ZNF532: variants seen among roughly 807,000 people sequenced by gnomAD.
The protein encoded by ZNF532 is zinc finger protein 532.
In ZNF532, 22 loss-of-function variants were observed where a neutral mutation model predicts 89.3. The ratio of observed to expected loss-of-function variants is 0.25; its 90% CI spans 0.18 to 0.35. The LOEUF is 0.35. Among genes scored for constraint, ZNF532 ranks in the 10% least tolerant of loss-of-function variants. The probability of loss-of-function intolerance (pLI) is 1.00; values close to 1 mark genes in which losing one functional copy is unlikely to be tolerated. For synonymous variants in ZNF532, 606 were observed against 649.6 expected, an observed-to-expected ratio of 0.93 and a Z score of 1.02; for missense variants, 1,132 against 1,643.4, an observed-to-expected ratio of 0.69 and a Z score of 5.38.
chr18:58,910,764 C>T (rs1184629107), intron 2 of ZNF532, among the ~76,000 whole-genome samples: 4 of 152,128 alleles, frequency 2.6e-5, no homozygotes, highest in East Asian at 1.9e-4. Flanking sequence ...CATGAGCCGC[C>T]GCACCTGGCC....
At chr18:58,889,152 A>C (rs2058711087) in intron 2 of ZNF532, among the ~76,000 whole-genome samples, 1 of 151,452 alleles carries the variant, frequency 6.6e-6, no homozygotes, top group Non-Finnish European at 1.5e-5. Context: ...GACCTCTTAC[A>C]AATCATGTTT....
intron 6 of ZNF532, among the ~76,000 whole-genome samples, chr18:58,952,364 C>G (rs1364482757): frequency 6.6e-6 from 1 of 152,086 alleles, no homozygotes; most frequent in Non-Finnish European, 1.5e-5. Flanking sequence ...TATACAGAGG[C>G]AAAGATTTTA....
At chr18:58,905,043 T>C (rs1231907633) in intron 2 of ZNF532, among the ~76,000 whole-genome samples, 1 of 152,120 alleles carries the variant, frequency 6.6e-6, no homozygotes, top group Non-Finnish European at 1.5e-5. Context: ...GGTTTCACCA[T>C]GTTGGCCAGT....
intron 2 of ZNF532, among the ~76,000 whole-genome samples, chr18:58,884,637 CAA>C (rs558672560): frequency 2.1e-3 from 315 of 152,308 alleles, no homozygotes; most frequent in African/African-American, 7.1e-3. Flanking sequence ...ATGGTACTTA[CAA>C]AATGCCAAAG....
chr18:58,918,985 A>G lies in ZNF532; in HGVS notation c.698A>G (p.Lys233Arg). The G allele has an allele frequency of 6.2e-7, 1 of 1,613,528 alleles. No individual in the cohort carries two copies. Among genetic ancestry groups the G allele is most frequent in the Non-Finnish European group, 8.5e-7 (1 of 1,180,042 alleles). The change falls in exon 3 of 10, where the codon AAG becomes AGG. Residue 233 changes from lysine to arginine, a missense_variant. Physicochemically the swap from Lys to Arg is conservative, Grantham distance 26. This residue lies in a region of ZNF532 where 302 missense variants were observed against 319.8 expected (regional missense o/e 0.94). Transcript: ENST00000591808. ...GATAAATTGAAGGAAAGCTCTGACAAGGTGCTGGAAAACAGAGTCCTAGAT... is the reference window on the plus strand; with the variant it reads ...GATAAATTGAAGGAAAGCTCTGACAGGGTGCTGGAAAACAGAGTCCTAGAT... ...AEDKLKESSD[K>R]VLENRVLDGK...
intron 4 of ZNF532, among the ~76,000 whole-genome samples, chr18:58,938,409 T>C (rs1259286073): frequency 6.6e-6 from 1 of 152,210 alleles, no homozygotes; most frequent in Non-Finnish European, 1.5e-5. Context: ...GATTTAAAGT[T>C]TGTCTTTGTT....
intron 2 of ZNF532, among the ~76,000 whole-genome samples, chr18:58,884,617 A>G (rs1354095698): frequency 6.6e-6 from 1 of 152,206 alleles, no homozygotes; most frequent in Non-Finnish European, 1.5e-5. Context: ...TAGAGATGCT[A>G]CTAAAAAGCA....
At chr18:58,948,542 G>C (rs1048715789) in intron 6 of ZNF532, among the ~76,000 whole-genome samples, 2 of 149,206 alleles carry the variant, frequency 1.3e-5, no homozygotes, top group Non-Finnish European at 3.0e-5. Context: ...AATGATGACT[G>C]TGAAGTTTTC....
intron 7 of ZNF532, among the ~76,000 whole-genome samples, chr18:58,963,629 G>GTGTGTGTGTT (rs2065592250): frequency 6.8e-6 from 1 of 147,454 alleles, no homozygotes; most frequent in African/African-American, 2.6e-5. Flanking sequence ...GTGTGTGTGT[G>GTGTGTGTGTT]TGTGTGTGTG....
At chr18:58,951,463 A>G (rs755009172) in intron 6 of ZNF532, among the ~76,000 whole-genome samples, 1 of 152,148 alleles carries the variant, frequency 6.6e-6, no homozygotes, top group Non-Finnish European at 1.5e-5. Context: ...GGTTTTAAAT[A>G]GTTAAAAATG....
chr18:58,888,284 C>T (rs2058444191), intron 2 of ZNF532, among the ~76,000 whole-genome samples: 1 of 152,084 alleles, frequency 6.6e-6, no homozygotes, highest in Non-Finnish European at 1.5e-5. Flanking sequence ...TCCGTTAACT[C>T]CATGTGAAAG....
chr18:58,918,969 A>G lies in ZNF532; in HGVS notation c.682A>G (p.Lys228Glu), dbSNP rs758899979. 5.0e-6 allele frequency: 8 copies of G among 1,613,524 alleles called. No individual in the cohort carries two copies. The highest frequency in any genetic ancestry group is 6.8e-6 in the Non-Finnish European group (8 of 1,180,050). The stretch of plus-strand genomic sequence containing the variant: ...AGTCAGAAAAGCAGAGGATAAATTG[A>G]AGGAAAGCTCTGACAAGGTGCTGGA... ...FKVRKAEDKL[K>E]ESSDKVLENR... Residue 228 changes from lysine (K) to glutamate (E), a missense_variant, in exon 3 of 10, where the codon AAG becomes GAG. Lys to Glu is a moderately conservative substitution (Grantham distance 56). Coordinates refer to ENST00000591808, the MANE Select transcript of ZNF532 (RefSeq NM_001375912.1).
At chr18:58,967,614 T>G (rs118032132) in intron 7 of ZNF532, among the ~76,000 whole-genome samples, 1 of 152,248 alleles carries the variant, frequency 6.6e-6, no homozygotes, top group East Asian at 1.9e-4. Context: ...TTCAACAGAT[T>G]ATAATCTCCT....
intron 3 of ZNF532, among the ~76,000 whole-genome samples, chr18:58,932,722 G>A (rs570457569): frequency 1.9e-4 from 29 of 152,202 alleles, no homozygotes; most frequent in African/African-American, 6.0e-4. Context: ...CATAGGTTAT[G>A]AGAATTAAAT....
intron 7 of ZNF532, among the ~76,000 whole-genome samples, chr18:58,964,529 T>A (rs1399043992): frequency 7.1e-6 from 1 of 140,672 alleles, no homozygotes; most frequent in Non-Finnish European, 1.5e-5. Flanking sequence ...GGAATTGATA[T>A]TTTGTTTGTG....
chr18:58,888,225 T>G (rs1413073435), intron 2 of ZNF532, among the ~76,000 whole-genome samples: 1 of 152,224 alleles, frequency 6.6e-6, no homozygotes, highest in Non-Finnish European at 1.5e-5. Context: ...TTGAACATTT[T>G]GGAACTTTCA....
At chr18:58,941,468 C>CTTTTTTTTT (rs71302776) in intron 5 of ZNF532, among the ~76,000 whole-genome samples, 101 of 114,912 alleles carry the variant, frequency 8.8e-4, no homozygotes, top group African/African-American at 2.8e-3. Flanking sequence ...CTCTCTCTCT[C>CTTTTTTTTT]TTTTTTTTTT....
At chr18:58,874,524 T>A (rs1348879880) in intron 2 of ZNF532, among the ~76,000 whole-genome samples, 2 of 152,166 alleles carry the variant, frequency 1.3e-5, no homozygotes, top group Non-Finnish European at 2.9e-5. Context: ...TTTGTTTTTT[T>A]AGTAGAGACT....
At chr18:58,970,319 C>G (rs1004622945) in intron 7 of ZNF532, among the ~76,000 whole-genome samples, 3 of 152,140 alleles carry the variant, frequency 2.0e-5, no homozygotes, top group Non-Finnish European at 4.4e-5. Context: ...AGAAAATATT[C>G]TGTGTATTCC....
Sources: gnomAD v4.1 joint callset for allele counts (sites outside exome capture counted in the v4.1 genomes callset) on GRCh38, gnomAD v4.1.1 for gene constraint, gnomAD v4.1.1 regional missense constraint, MANE v1.5 for transcripts, NCBI Gene and HGNC (gene_info 2026-07-23, HGNC 2026-07-21) for gene names.